Variants in TEX11 observed in about 807,000 individuals in gnomAD.
TEX11 encodes the protein testis expressed 11, also known as testis-expressed protein 11.
Under a neutral mutation model 84.4 loss-of-function variants are expected in TEX11, and 7 were observed. The observed-to-expected ratio is 0.08, with a 90% CI of 0.05 to 0.16. The LOEUF (loss-of-function observed/expected upper bound fraction) is 0.16. TEX11 is among the 10% of genes least tolerant of loss of function. The probability of loss-of-function intolerance (pLI) is 1.00; values close to 1 mark genes in which losing one functional copy is unlikely to be tolerated. For synonymous variants in TEX11, 264 were observed against 222.8 expected (o/e 1.18, Z -1.64); for missense variants, 551 against 660.5 (o/e 0.83, Z 1.82).
chrX:70,625,859 T>C (rs1487023086), intron 18 of TEX11, among the ~76,000 whole-genome samples: 1 of 107,189 alleles, frequency 9.3e-6, no homozygotes, highest in Non-Finnish European at 1.9e-5. Context: ...GCGATTCTCC[T>C]GCCTCAGCCT....
intron 13 of TEX11, among the ~76,000 whole-genome samples, chrX:70,702,922 C>T (rs1298495950): frequency 9.0e-6 from 1 of 111,426 alleles, no homozygotes. Context: ...TTGTCCACTA[C>T]GTATGAAGGG....
chrX:70,698,900 G>C (rs1447749613), intron 13 of TEX11, among the ~76,000 whole-genome samples: 1 of 111,910 alleles, frequency 8.9e-6, no homozygotes, highest in Admixed American at 9.5e-5. Context: ...GTAATAACTA[G>C]TCTCTAAAGA....
intron 25 of TEX11, among the ~76,000 whole-genome samples, chrX:70,587,323 C>G (rs1222934995): frequency 8.9e-6 from 1 of 112,189 alleles, no homozygotes; most frequent in Non-Finnish European, 1.9e-5. Context: ...CATCACAGGT[C>G]TGGAGGCCTA....
At chrX:70,779,036 C>CAT (rs1369895887) in intron 9 of TEX11, among the ~76,000 whole-genome samples, 2 of 110,498 alleles carry the variant, frequency 1.8e-5, no homozygotes, top group African/African-American at 3.3e-5. Flanking sequence ...TCACTACAAA[C>CAT]ATATATATAT....
At chrX:70,732,567 T>C (rs2090661987) in intron 11 of TEX11, among the ~76,000 whole-genome samples, 1 of 111,128 alleles carries the variant, frequency 9.0e-6, no homozygotes, top group African/African-American at 3.3e-5. Context: ...TCAAAGAGAA[T>C]AAAATACCTA....
At chrX:70,740,136 GT>G (rs1352967351) in intron 11 of TEX11, among the ~76,000 whole-genome samples, 2 of 111,900 alleles carry the variant, frequency 1.8e-5, no homozygotes, top group Non-Finnish European at 3.8e-5. Flanking sequence ...AATCTCTGGT[GT>G]TCAAAGAAGT....
At chrX:70,642,075 G>A (rs1408020431) in intron 17 of TEX11, among the ~76,000 whole-genome samples, 1 of 110,054 alleles carries the variant, frequency 9.1e-6, no homozygotes, top group Non-Finnish European at 1.9e-5. Context: ...AATAAAAAAT[G>A]ATAAAGGGGA....
At chrX:70,652,072 C>A (rs1204911598) in intron 16 of TEX11, among the ~76,000 whole-genome samples, 1 of 111,131 alleles carries the variant, frequency 9.0e-6, no homozygotes, top group Admixed American at 9.6e-5. Flanking sequence ...ACCCACATCC[C>A]TGGAAAACTG....
chrX:70,802,453 GTA>G (rs950291135), intron 9 of TEX11, among the ~76,000 whole-genome samples: 170 of 110,496 alleles, frequency 1.5e-3, no homozygotes, highest in African/African-American at 5.3e-3. Flanking sequence ...ATTTCACAGT[GTA>G]TATATATATA....
At chrX:70,733,893 T>G (rs2090675026) in intron 11 of TEX11, among the ~76,000 whole-genome samples, 1 of 111,341 alleles carries the variant, frequency 9.0e-6, no homozygotes, top group Admixed American at 9.5e-5. Flanking sequence ...AGCAAAGACT[T>G]GGAACCAACC....
At chrX:70,572,267 C>A (rs1416350700) in intron 25 of TEX11, among the ~76,000 whole-genome samples, 1 of 111,519 alleles carries the variant, frequency 9.0e-6, no homozygotes, top group Non-Finnish European at 1.9e-5. Flanking sequence ...CCATCACTGG[C>A]CATCAGAGAA....
intron 7 of TEX11, among the ~76,000 whole-genome samples, chrX:70,852,382 G>T (rs2091513309): frequency 9.0e-6 from 1 of 111,341 alleles, no homozygotes; most frequent in African/African-American, 3.3e-5. Flanking sequence ...AGAGATGGGG[G>T]TCTTACTATG....
intron 7 of TEX11, among the ~76,000 whole-genome samples, chrX:70,838,803 A>C (rs188055869): frequency 1.8e-5 from 2 of 112,531 alleles, no homozygotes; most frequent in African/African-American, 6.4e-5. Context: ...GCGCTTTTCC[A>C]ACGGGCTTAA....
chrX:70,762,962 A>G (rs914400970), intron 9 of TEX11, among the ~76,000 whole-genome samples: 2 of 111,948 alleles, frequency 1.8e-5, no homozygotes, highest in African/African-American at 6.5e-5. Flanking sequence ...TGAGCCTGGG[A>G]GGCACAGGTT....
chrX:70,843,392 A>T (rs1215353226), intron 7 of TEX11, among the ~76,000 whole-genome samples: 89 of 111,892 alleles, frequency 8.0e-4, no homozygotes, highest in African/African-American at 2.8e-3. Flanking sequence ...TGCTGGGAAA[A>T]CTGGCTAGCC....
At chrX:70,526,656 T>G (rs2147921123), downstream of TEX11, among the ~76,000 whole-genome samples, 1 of 111,368 alleles carries the variant, frequency 9.0e-6, no homozygotes, top group African/African-American at 3.3e-5. Context: ...TATACATTCA[T>G]CTATACGTAT....
At chrX:70,823,097 A>C (rs146808316) in intron 8 of TEX11, among the ~76,000 whole-genome samples, 66 of 111,383 alleles carry the variant, frequency 5.9e-4, no homozygotes, top group African/African-American at 2.0e-3. Context: ...CTCATTTGAA[A>C]CTATATGGAT....
At chrX:70,567,356 C>G (rs1055539908) in intron 25 of TEX11, among the ~76,000 whole-genome samples, 2 of 111,426 alleles carry the variant, frequency 1.8e-5, no homozygotes, top group Admixed American at 9.6e-5. Flanking sequence ...AGAAAACCAG[C>G]TCCTGGATTC....
At position 70,661,644 on chromosome X, in the gene TEX11, C is replaced by T. The variant is rs376397802; in HGVS notation, c.1380+8733G>A. Among the ~76,000 whole-genome samples the T allele has an allele frequency of 2.7e-5, 3 of 111,526 alleles. No homozygotes were observed. In the East Asian group the frequency reaches 8.5e-4, roughly 32 times the overall value. On this transcript the variant is annotated intron_variant, in intron 16 of 29. Coordinates refer to ENST00000374333, the MANE Select transcript of TEX11 (RefSeq NM_031276.3). The stretch of plus-strand genomic sequence containing the variant: ...ACCCCCCAGTAGGGGCAGACTGACA[C>T]CTCACACAGCCGGGTACTCCTCTGA...
Sources: allele counts gnomAD v4.1 joint callset (sites outside exome capture counted in the v4.1 genomes callset), GRCh38; gene constraint gnomAD v4.1.1; transcripts MANE v1.5; gene names NCBI Gene and HGNC (gene_info 2026-07-23, HGNC 2026-07-21).